The following SLC24A2 variants were observed in gnomAD, a reference collection of about 807,000 sequenced individuals.
The protein encoded by SLC24A2 is solute carrier family 24 member 2.
Under a neutral mutation model 62.0 loss-of-function variants are expected in SLC24A2, and 36 were observed. That is an observed-to-expected ratio of 0.58 (90% CI 0.44 to 0.77). SLC24A2 has a LOEUF of 0.77. Ranked by LOEUF, SLC24A2 falls within the 30% of genes least tolerant of loss-of-function variation. SLC24A2 has a pLI of 0.00. For missense variants in SLC24A2, 846 were observed against 817.9 expected, an observed-to-expected ratio of 1.03 and a Z score of -0.42; for synonymous variants, 358 against 294.0, an observed-to-expected ratio of 1.22 and a Z score of -2.23.
chr9:20,212,421 C>T, the SLC24A2 span, among the ~76,000 whole-genome samples: 2 of 151,854 alleles, frequency 1.3e-5, no homozygotes, highest in East Asian at 1.9e-4. Flanking sequence ...GAAGCCAAAG[C>T]GGACAGATCA....
At chr9:19,618,388 C>G (rs372711779) in intron 4 of SLC24A2, among the ~76,000 whole-genome samples, 10 of 152,236 alleles carry the variant, frequency 6.6e-5, no homozygotes, top group East Asian at 5.8e-4. Flanking sequence ...GTAAACAGAT[C>G]CCAGGACCTG....
intron 4 of SLC24A2, among the ~76,000 whole-genome samples, chr9:19,600,334 C>T (rs1405232436): frequency 2.6e-5 from 4 of 152,168 alleles, no homozygotes; most frequent in Admixed American, 6.5e-5. Flanking sequence ...ATATTACTAC[C>T]CCTCTAACTC....
chr9:20,003,349 G>A, the SLC24A2 span, among the ~76,000 whole-genome samples: 1 of 152,188 alleles, frequency 6.6e-6, no homozygotes, highest in African/African-American at 2.4e-5. Flanking sequence ...TCGATATGGT[G>A]AGCATGCTAT....
the SLC24A2 span, among the ~76,000 whole-genome samples, chr9:19,888,657 G>T: frequency 6.6e-6 from 1 of 152,212 alleles, no homozygotes; most frequent in Non-Finnish European, 1.5e-5. Context: ...TACTGATCTT[G>T]GTTTTACCGC....
At chr9:19,989,076 G>A in the SLC24A2 span, among the ~76,000 whole-genome samples, 25 of 152,140 alleles carry the variant, frequency 1.6e-4, no homozygotes, top group South Asian at 4.4e-3. Context: ...TGTAAACAAT[G>A]CTACATGAAA....
At chr9:19,687,577 T>C (rs1418861904) in intron 2 of SLC24A2, among the ~76,000 whole-genome samples, 4 of 152,154 alleles carry the variant, frequency 2.6e-5, no homozygotes, top group African/African-American at 4.8e-5. Flanking sequence ...TGTACCAATG[T>C]GTTCCACGCC....
the SLC24A2 span, among the ~76,000 whole-genome samples, chr9:20,288,462 C>A: frequency 6.6e-6 from 1 of 152,018 alleles, no homozygotes; most frequent in African/African-American, 2.4e-5. Context: ...GGTAACTTCT[C>A]CAAACTATAG....
At chr9:19,649,001 C>CAAAAAAAA (rs66653116) in intron 2 of SLC24A2, among the ~76,000 whole-genome samples, 216 of 108,446 alleles carry the variant, frequency 2.0e-3, no homozygotes, top group Non-Finnish European at 2.4e-3. Context: ...GATTAAAAAC[C>CAAAAAAAA]AAAAAAAAAA....
chr9:20,149,644 T>C, the SLC24A2 span, among the ~76,000 whole-genome samples: 3 of 152,120 alleles, frequency 2.0e-5, no homozygotes, highest in Non-Finnish European at 4.4e-5. Flanking sequence ...TATGGACATA[T>C]ATTTGAATTT....
chr9:20,016,445 C>T, the SLC24A2 span, among the ~76,000 whole-genome samples: 1 of 152,110 alleles, frequency 6.6e-6, no homozygotes, highest in East Asian at 1.9e-4. Flanking sequence ...TATATTGACT[C>T]CTAAGTGATT....
intron 8 of SLC24A2, among the ~76,000 whole-genome samples, chr9:19,542,512 T>TA (rs570145489): frequency 1.8e-4 from 28 of 152,328 alleles, no homozygotes; most frequent in Non-Finnish European, 3.1e-4. Flanking sequence ...ATCCTTGTCT[T>TA]GTGCCAGTTT....
chr9:20,261,914 A>G, the SLC24A2 span, among the ~76,000 whole-genome samples: 1 of 151,464 alleles, frequency 6.6e-6, no homozygotes, highest in South Asian at 2.1e-4. Context: ...TAGTTTTTGT[A>G]TTTTTAGTAG....
chr9:19,518,612 G>T (rs1439028847), intron 10 of SLC24A2, among the ~76,000 whole-genome samples: 1 of 151,972 alleles, frequency 6.6e-6, no homozygotes, highest in Non-Finnish European at 1.5e-5. Flanking sequence ...AGTAGAGACA[G>T]GTTTGCACCA....
chr9:19,608,811 C>A (rs1333571957), intron 4 of SLC24A2, among the ~76,000 whole-genome samples: 1 of 152,092 alleles, frequency 6.6e-6, no homozygotes, highest in Admixed American at 6.5e-5. Context: ...CACACACACA[C>A]ACGCATAGAC....
the SLC24A2 span, among the ~76,000 whole-genome samples, chr9:20,208,981 T>C: frequency 6.6e-6 from 1 of 152,250 alleles, no homozygotes; most frequent in Non-Finnish European, 1.5e-5. Flanking sequence ...ACGGCTCAAC[T>C]GCTTACTAGC....
intron 2 of SLC24A2, among the ~76,000 whole-genome samples, chr9:19,697,986 A>T (rs1422090602): frequency 6.6e-6 from 1 of 152,182 alleles, no homozygotes; most frequent in Non-Finnish European, 1.5e-5. Context: ...ACAAAACAAA[A>T]ATGAACAAAA....
chr9:19,739,283 A>T (rs1471717839), intron 2 of SLC24A2, among the ~76,000 whole-genome samples: 1 of 152,248 alleles, frequency 6.6e-6, no homozygotes, highest in Non-Finnish European at 1.5e-5. Context: ...TCTACTCATT[A>T]AATTATAGTT....
the SLC24A2 span, among the ~76,000 whole-genome samples, chr9:19,882,399 C>G: frequency 1.1e-4 from 17 of 151,970 alleles, no homozygotes; most frequent in African/African-American, 3.6e-4. Flanking sequence ...TGTTCCAGTT[C>G]TTTGCCCTTT....
At chr9:20,294,474 C>T in the SLC24A2 span, among the ~76,000 whole-genome samples, 7 of 152,206 alleles carry the variant, frequency 4.6e-5, no homozygotes, top group Admixed American at 6.5e-5. Context: ...TTTTAGGAAA[C>T]GTGGCATTCT....
Sources: allele counts gnomAD v4.1 joint callset (sites outside exome capture counted in the v4.1 genomes callset), GRCh38; gene constraint gnomAD v4.1.1; transcripts MANE v1.5; gene names NCBI Gene and HGNC (gene_info 2026-07-23, HGNC 2026-07-21).